Variants in PIP4K2A observed in about 807,000 individuals in gnomAD.
PIP4K2A encodes phosphatidylinositol-5-phosphate 4-kinase type 2 alpha, also known as phosphatidylinositol 5-phosphate 4-kinase type-2 alpha.
Under a neutral mutation model 42.9 loss-of-function variants are expected in PIP4K2A, and 14 were observed. The observed-to-expected ratio is 0.33, with a 90% CI of 0.22 to 0.51. PIP4K2A has a LOEUF of 0.51. Among genes scored for constraint, PIP4K2A ranks in the 20% least tolerant of loss-of-function variants. The pLI is 0.97. For synonymous variants in PIP4K2A, 192 were observed against 192.2 expected (o/e 1.00, Z 0.01); for missense variants, 434 against 519.8 (o/e 0.83, Z 1.61).
intron 1 of PIP4K2A, among the ~76,000 whole-genome samples, chr10:22,683,332 C>G (rs924597149): frequency 4.6e-5 from 7 of 152,062 alleles, no homozygotes; most frequent in Admixed American, 4.6e-4. Context: ...TCACAGTGAT[C>G]CTAAGTCTTC....
chr10:22,536,996 T>A lies in PIP4K2A; in HGVS notation c.*205A>T. The A allele has an allele frequency of 2.5e-6, 1 of 397,524 alleles. No homozygotes were observed. The highest frequency in any genetic ancestry group is 2.4e-5 in the South Asian group (1 of 42,014). 24.6% of individuals were successfully genotyped at this position (397,524 alleles called of 1,614,324 possible). A position where few individuals can be genotyped will look rare whatever the true frequency, so the allele number is the denominator to read the frequency against. The stretch of plus-strand genomic sequence containing the variant: ...CACACACACACACATATACACAAAG[T>A]CAGAAATAGCTAGAACGATGCTGGG... On this transcript the variant is annotated 3_prime_UTR_variant, in exon 10 of 10. Coordinates refer to ENST00000376573, the MANE Select transcript of PIP4K2A (RefSeq NM_005028.5).
At chr10:22,603,922 G>T (rs1837848896) in intron 3 of PIP4K2A, among the ~76,000 whole-genome samples, 1 of 152,058 alleles carries the variant, frequency 6.6e-6, no homozygotes, top group Admixed American at 6.5e-5. Flanking sequence ...AACCTATCAT[G>T]CAATTTAAAA....
chr10:22,684,703 T>C (rs1388531661), intron 1 of PIP4K2A, among the ~76,000 whole-genome samples: 1 of 152,160 alleles, frequency 6.6e-6, no homozygotes, highest in Non-Finnish European at 1.5e-5. Flanking sequence ...TAAAAATCTT[T>C]CCAGTGTCTC....
At chr10:22,596,696 A>G (rs73598575) in intron 3 of PIP4K2A, among the ~76,000 whole-genome samples, 4,052 of 152,358 alleles carry the variant, frequency 0.027, 183 homozygotes, top group African/African-American at 0.092. Context: ...TCCATGTATA[A>G]ATAAACCTCA....
chr10:22,590,767 G>A (rs1166578958), intron 4 of PIP4K2A, among the ~76,000 whole-genome samples: 1 of 152,206 alleles, frequency 6.6e-6, no homozygotes, highest in Admixed American at 6.5e-5. Flanking sequence ...CTACTTGGGA[G>A]GCTGGGGTGG....
At chr10:22,549,610 G>A (rs1398938292) in intron 7 of PIP4K2A, among the ~76,000 whole-genome samples, 1 of 151,874 alleles carries the variant, frequency 6.6e-6, no homozygotes, top group Non-Finnish European at 1.5e-5. Context: ...GGGAGGCAGA[G>A]GCGGGTGGAT....
At chr10:22,658,845 A>G (rs1839150537) in intron 1 of PIP4K2A, among the ~76,000 whole-genome samples, 1 of 152,238 alleles carries the variant, frequency 6.6e-6, no homozygotes, top group Admixed American at 6.5e-5. Flanking sequence ...CTGAGTTTAG[A>G]AAAGTTACGT....
intron 6 of PIP4K2A, among the ~76,000 whole-genome samples, chr10:22,554,161 G>A (rs995150754): frequency 1.3e-5 from 2 of 151,994 alleles, no homozygotes; most frequent in South Asian, 4.2e-4. Flanking sequence ...AGAAAAAAAC[G>A]AGATGACAAA....
At chr10:22,674,236 T>C (rs2130865311) in intron 1 of PIP4K2A, among the ~76,000 whole-genome samples, 1 of 152,206 alleles carries the variant, frequency 6.6e-6, no homozygotes. Context: ...TCACAAAGCA[T>C]TAACTAGCCT....
intron 6 of PIP4K2A, among the ~76,000 whole-genome samples, chr10:22,552,270 G>A (rs1043841893): frequency 6.6e-6 from 1 of 152,114 alleles, no homozygotes; most frequent in African/African-American, 2.4e-5. Flanking sequence ...AATAAAGCAG[G>A]ATGGGATGTG....
intron 3 of PIP4K2A, among the ~76,000 whole-genome samples, chr10:22,604,962 C>G (rs1837875119): frequency 6.6e-6 from 1 of 152,158 alleles, no homozygotes; most frequent in African/African-American, 2.4e-5. Context: ...TGCGAGGTGA[C>G]CCTGGAGCCA....
intron 1 of PIP4K2A, among the ~76,000 whole-genome samples, chr10:22,689,316 A>G (rs1564468394): frequency 6.6e-6 from 1 of 152,180 alleles, no homozygotes; most frequent in Non-Finnish European, 1.5e-5. Flanking sequence ...CAACAAAAAA[A>G]CACTGCTCTG....
Position 22,573,429 on chromosome 10 carries a change from A to C in PIP4K2A, c.521T>G (p.Leu174Arg), listed in dbSNP as rs1479705798. Residue 174 changes from leucine (L) to arginine (R), a missense_variant, in exon 5 of 10, where the codon CTT becomes CGT. Physicochemically the swap from Leu to Arg is moderately radical, Grantham distance 102. Coordinates refer to ENST00000376573, the MANE Select transcript of PIP4K2A (RefSeq NM_005028.5). The stretch of plus-strand genomic sequence containing the variant: ...GTACATGCCCAAGAACTGGGGAAGA[A>C]GGGTGATCCCATGACATTCCACTAT... ...QYIVECHGIT[L>R]LPQFLGMYRL... The C allele has an allele frequency of 6.2e-7, 1 of 1,613,896 alleles. No individual in the cohort carries two copies. Among genetic ancestry groups the C allele is most frequent in the Non-Finnish European group, 8.5e-7 (1 of 1,179,908 alleles).
intron 1 of PIP4K2A, among the ~76,000 whole-genome samples, chr10:22,636,858 G>A (rs756013286): frequency 9.2e-5 from 14 of 152,302 alleles, no homozygotes; most frequent in Middle Eastern, 3.4e-3. Flanking sequence ...AAGACCATAA[G>A]CACAAGCCTG....
chr10:22,567,759 A>G (rs573629803), intron 6 of PIP4K2A, 92 bp downstream of exon 6: 10 of 1,060,470 alleles, frequency 9.4e-6, no homozygotes, highest in Non-Finnish European at 1.5e-5. Context: ...CCACAATAGC[A>G]GGGGTGGGAG....
intron 1 of PIP4K2A, among the ~76,000 whole-genome samples, chr10:22,700,394 A>G (rs183172564): frequency 6.6e-6 from 1 of 152,222 alleles, no homozygotes; most frequent in Non-Finnish European, 1.5e-5. Context: ...TATAAACCCC[A>G]CTTTCTTTTC....
intron 4 of PIP4K2A, among the ~76,000 whole-genome samples, chr10:22,574,737 G>C (rs1356038350): frequency 6.6e-6 from 1 of 151,988 alleles, no homozygotes; most frequent in Non-Finnish European, 1.5e-5. Context: ...CCTGAGTAGA[G>C]TTTCACCTTG....
rs375508876 is a variant in PIP4K2A, at chr10:22,567,262, C to T, written c.678+589G>A. On this transcript the variant is annotated intron_variant, in intron 6 of 9. Transcript: ENST00000376573. Reference sequence around the variant, plus strand: ...AGTTGACTCTCTCTATAATCTTGCACAGTAAACTAAATGTGGCTCAAATAC... The same window carrying T: ...AGTTGACTCTCTCTATAATCTTGCATAGTAAACTAAATGTGGCTCAAATAC... 2.0e-5 allele frequency among the ~76,000 whole-genome samples: 3 copies of T among 152,216 alleles called. No homozygotes were observed. The East Asian group carries it at 5.8e-4, about 29-fold the overall frequency.
At chr10:22,694,918 A>C (rs1400369703) in intron 1 of PIP4K2A, among the ~76,000 whole-genome samples, 1 of 152,236 alleles carries the variant, frequency 6.6e-6, no homozygotes, top group Admixed American at 6.5e-5. Context: ...TTTACCAGAA[A>C]AATTTTTATC....
Sources: allele counts gnomAD v4.1 joint callset (sites outside exome capture counted in the v4.1 genomes callset), GRCh38; gene constraint gnomAD v4.1.1; transcripts MANE v1.5; gene names NCBI Gene and HGNC (gene_info 2026-07-23, HGNC 2026-07-21).